MTHFS: variants seen among roughly 807,000 people sequenced by gnomAD.
MTHFS encodes 5-formyltetrahydrofolate cyclo-ligase.
In MTHFS, 7 loss-of-function variants were observed where a neutral mutation model predicts 12.7. The ratio of observed to expected loss-of-function variants is 0.55; its 90% CI spans 0.31 to 1.03. MTHFS has a LOEUF of 1.03. Ranked by LOEUF, MTHFS falls within the 50% of genes least tolerant of loss-of-function variation. The pLI is 0.05. For synonymous variants in MTHFS, 100 were observed against 97.1 expected (o/e 1.03, Z -0.18); for missense variants, 252 against 258.1 (o/e 0.98, Z 0.16).
chr15:79,856,988 G>T (rs1329000649), intron 2 of MTHFS, among the ~76,000 whole-genome samples: 1 of 150,104 alleles, frequency 6.7e-6, no homozygotes, highest in Non-Finnish European at 1.5e-5. Flanking sequence ...AGATGAGCTC[G>T]CAAAGTCACT....
At chr15:79,856,146 C>T (rs997227565) in intron 2 of MTHFS, among the ~76,000 whole-genome samples, 6 of 152,154 alleles carry the variant, frequency 3.9e-5, no homozygotes, top group Admixed American at 3.3e-4. Flanking sequence ...AATGCATAAG[C>T]GTTCCCTTTT....
intron 2 of MTHFS, among the ~76,000 whole-genome samples, chr15:79,850,293 C>A (rs919876121): frequency 1.3e-5 from 2 of 152,134 alleles, no homozygotes; most frequent in Admixed American, 6.5e-5. Flanking sequence ...TTAGAACTGG[C>A]TCTTACATGT....
intron 2 of MTHFS, among the ~76,000 whole-genome samples, chr15:79,865,191 G>A (rs575773527): frequency 4.6e-5 from 7 of 152,154 alleles, no homozygotes; most frequent in African/African-American, 7.2e-5. Context: ...ACAAGAAAAC[G>A]AAGTGGAAAT....
At chr15:79,887,865 A>G (rs986769670) in intron 2 of MTHFS, among the ~76,000 whole-genome samples, 10 of 152,162 alleles carry the variant, frequency 6.6e-5, no homozygotes, top group African/African-American at 2.4e-4. Flanking sequence ...GCAAAGCCCA[A>G]GATTGGACAA....
intron 2 of MTHFS, among the ~76,000 whole-genome samples, chr15:79,864,088 A>G (rs891882023): frequency 6.6e-6 from 1 of 152,196 alleles, no homozygotes; most frequent in African/African-American, 2.4e-5. Flanking sequence ...CATGCCCATA[A>G]ATAATGCTCT....
At chr15:79,857,262 G>C (rs2033825926) in intron 2 of MTHFS, among the ~76,000 whole-genome samples, 2 of 152,054 alleles carry the variant, frequency 1.3e-5, no homozygotes, top group South Asian at 4.1e-4. Context: ...GCCTCCCAAA[G>C]TGCTGCGATT....
At position 79,897,012 on chromosome 15, in the gene MTHFS, C is replaced by A. The variant is rs1277948998; in HGVS notation, c.-24G>T. ...ATCTCACGCCCAAGCCGAGTCCAGT[C>A]CCGCCCTCGGCGCCCTGGGCGCCCT... is the stretch of plus-strand genomic sequence containing the variant. On this transcript the variant is annotated 5_prime_UTR_variant, in exon 1 of 3. Transcript: ENST00000258874. 1 of 1,504,354 alleles carries A rather than the reference C, an allele frequency of 6.6e-7. No homozygotes were observed. Among genetic ancestry groups the A allele is most frequent in the East Asian group, 2.7e-5 (1 of 37,502 alleles). 93.2% of individuals were successfully genotyped at this position (1,504,354 alleles called of 1,614,324 possible). A position where few individuals can be genotyped will look rare whatever the true frequency, so the allele number is the denominator to read the frequency against.
At chr15:79,860,245 C>G (rs773386743) in intron 2 of MTHFS, among the ~76,000 whole-genome samples, 2 of 151,850 alleles carry the variant, frequency 1.3e-5, no homozygotes, top group Non-Finnish European at 2.9e-5. Context: ...AAAAATTAGC[C>G]GGGTGTGGTG....
At chr15:79,893,616 T>C (rs1370565188) in intron 1 of MTHFS, among the ~76,000 whole-genome samples, 3 of 147,704 alleles carry the variant, frequency 2.0e-5, no homozygotes, top group Admixed American at 6.9e-5. Flanking sequence ...GAGAATGGCA[T>C]GAACCCGGGA....
chr15:79,875,979 AAAAT>A (rs149183525), intron 2 of MTHFS: 17,670 of 152,176 alleles, frequency 0.12, 1,198 homozygotes, highest in Middle Eastern at 0.18. Context: ...GCCAGGCCAA[AAAAT>A]AAATAAGCAC....
chr15:79,865,505 GC>G (rs1008638588), intron 2 of MTHFS, among the ~76,000 whole-genome samples: 8 of 152,200 alleles, frequency 5.3e-5, no homozygotes, highest in Non-Finnish European at 2.9e-5. Context: ...CTGCAGTCAA[GC>G]CCCCAGCCAG....
At chr15:79,883,883 T>C (rs1392584265) in intron 2 of MTHFS, among the ~76,000 whole-genome samples, 2 of 152,168 alleles carry the variant, frequency 1.3e-5, no homozygotes, top group African/African-American at 4.8e-5. Flanking sequence ...GAAGAGACTA[T>C]CCTGAAGAAA....
intron 2 of MTHFS, among the ~76,000 whole-genome samples, chr15:79,868,237 CT>C (rs753011313): frequency 7.9e-5 from 12 of 152,130 alleles, no homozygotes; most frequent in Non-Finnish European, 1.3e-4. Context: ...TTTATATCAC[CT>C]TTTTCTTTCC....
chr15:79,890,468 A>G (rs979476196), intron 1 of MTHFS, among the ~76,000 whole-genome samples: 4 of 151,892 alleles, frequency 2.6e-5, no homozygotes, highest in Non-Finnish European at 5.9e-5. Context: ...AGCTCAACTG[A>G]TCCACCCACC....
chr15:79,890,033 A>G (rs1229952168), intron 1 of MTHFS, among the ~76,000 whole-genome samples: 1 of 152,030 alleles, frequency 6.6e-6, no homozygotes, highest in African/African-American at 2.4e-5. Flanking sequence ...TGTTCAAATG[A>G]ATATTAAAAT....
chr15:79,864,196 C>A (rs2033964978), intron 2 of MTHFS, among the ~76,000 whole-genome samples: 1 of 152,156 alleles, frequency 6.6e-6, no homozygotes, highest in South Asian at 2.1e-4. Context: ...AGGCTTAGCA[C>A]TTAGTAGACA....
chr15:79,853,635 C>A (rs770825729), intron 2 of MTHFS, among the ~76,000 whole-genome samples: 16 of 152,182 alleles, frequency 1.1e-4, no homozygotes, highest in Admixed American at 1.0e-3. Flanking sequence ...AGCTATCATG[C>A]AGATTTCCTA....
chr15:79,889,704 C>T (rs28497784), intron 1 of MTHFS, among the ~76,000 whole-genome samples: 2,242 of 152,220 alleles, frequency 0.015, 54 homozygotes, highest in African/African-American at 0.05. Context: ...ATTTCACATG[C>T]TTTTCCTAGA....
rs183321659 is a variant in MTHFS at position 79,863,257 on chromosome 15, C to T, written c.380-17815G>A. 3.3e-5 allele frequency among the ~76,000 whole-genome samples: 5 copies of T among 152,328 alleles called. No individual in the cohort carries two copies. In the East Asian group the frequency reaches 9.6e-4, roughly 29 times the overall value. Reference sequence around the variant, plus strand: ...AGATTCCCAAGGGATGGTCCACTCCCAGTTTCTTTGGCTGTCCCTTGGGAC... The same window carrying T: ...AGATTCCCAAGGGATGGTCCACTCCTAGTTTCTTTGGCTGTCCCTTGGGAC... On this transcript the variant is annotated intron_variant, in intron 2 of 2. Coordinates refer to ENST00000258874, the MANE Select transcript of MTHFS (RefSeq NM_006441.4).
Sources: allele counts gnomAD v4.1 joint callset (sites outside exome capture counted in the v4.1 genomes callset), GRCh38; gene constraint gnomAD v4.1.1; transcripts MANE v1.5; gene names NCBI Gene and HGNC (gene_info 2026-07-23, HGNC 2026-07-21).